LRBA: variants seen among roughly 807,000 people sequenced by gnomAD.
The protein encoded by LRBA is LPS responsive beige-like anchor protein.
In LRBA, 176 loss-of-function variants were observed where a neutral mutation model predicts 330.0. That is an observed-to-expected ratio of 0.53 (90% CI 0.47 to 0.60). The LOEUF (loss-of-function observed/expected upper bound fraction) is 0.60, where lower values mean the gene tolerates loss of function less well. LRBA is among the 20% of genes least tolerant of loss of function. The pLI is 0.00. For missense variants in LRBA, 3,259 were observed against 3,444.8 expected, an observed-to-expected ratio of 0.95 and a Z score of 1.35; for synonymous variants, 1,230 against 1,193.0, an observed-to-expected ratio of 1.03 and a Z score of -0.64.
Position 150,723,274 on chromosome 4 carries a change from C to T in LRBA, c.5754+11984G>A, listed in dbSNP as rs1729181321. Among the ~76,000 whole-genome samples the T allele has an allele frequency of 3.3e-5, 5 of 152,284 alleles. No homozygotes were observed. In the South Asian group the frequency reaches 1.0e-3, roughly 32 times the overall value. On this transcript the variant is annotated intron_variant, in intron 36 of 56. Transcript: ENST00000651943. The stretch of plus-strand genomic sequence containing the variant: ...CGTGCCCTAACCCCAGGGAGTGAAG[C>T]TCATAGCAATGAAAGTTACTCCTTG...
chr4:150,960,046 C>G (rs1195327028), intron 2 of LRBA, among the ~76,000 whole-genome samples: 1 of 147,872 alleles, frequency 6.8e-6, no homozygotes, highest in East Asian at 1.9e-4. Flanking sequence ...TACCACCATG[C>G]CTGGCTTATC....
At chr4:150,757,687 T>C (rs571434222) in intron 35 of LRBA, among the ~76,000 whole-genome samples, 1 of 152,308 alleles carries the variant, frequency 6.6e-6, no homozygotes, top group Admixed American at 6.5e-5. Context: ...AGGCACTAAA[T>C]ATTTATAAAA....
intron 36 of LRBA, among the ~76,000 whole-genome samples, chr4:150,692,294 C>T (rs1784211291): frequency 6.6e-6 from 1 of 152,140 alleles, no homozygotes; most frequent in Admixed American, 6.5e-5. Flanking sequence ...TCTTGGCTCA[C>T]TGAAACCTCA....
chr4:150,500,187 T>C (rs924553354), intron 40 of LRBA, among the ~76,000 whole-genome samples: 1 of 152,054 alleles, frequency 6.6e-6, no homozygotes, highest in Non-Finnish European at 1.5e-5. Flanking sequence ...ACATTATGTG[T>C]ATACAACATC....
chr4:150,522,836 C>A (rs62344705), intron 40 of LRBA, among the ~76,000 whole-genome samples: 32,522 of 152,128 alleles, frequency 0.21, 4,356 homozygotes, highest in Non-Finnish European at 0.3. Flanking sequence ...TTCCAAGAGT[C>A]CCATGGCCAA....
chr4:150,639,789 G>GTA (rs1449698609), intron 37 of LRBA, among the ~76,000 whole-genome samples: 3 of 6,670 alleles, frequency 4.5e-4, no homozygotes, highest in East Asian at 7.5e-3. Flanking sequence ...ATATGTGTGT[G>GTA]TGTATATATA....
At chr4:150,927,162 T>C (rs1308737501) in intron 4 of LRBA, among the ~76,000 whole-genome samples, 2 of 151,182 alleles carry the variant, frequency 1.3e-5, no homozygotes, top group Non-Finnish European at 3.0e-5. Context: ...ATCACAAGGT[T>C]AGGAGATCGA....
intron 36 of LRBA, among the ~76,000 whole-genome samples, chr4:150,685,522 C>T (rs1323999701): frequency 1.4e-5 from 2 of 142,278 alleles, no homozygotes; most frequent in African/African-American, 5.3e-5. Context: ...CAACCTCCGC[C>T]TCCTGGGTTC....
chr4:150,668,978 C>T (rs974091497), intron 37 of LRBA, among the ~76,000 whole-genome samples: 4 of 152,066 alleles, frequency 2.6e-5, no homozygotes, highest in East Asian at 1.9e-4. Flanking sequence ...GAAGAGACTG[C>T]GCCCTGGTCT....
chr4:150,645,423 T>A (rs937943279), intron 37 of LRBA, among the ~76,000 whole-genome samples: 1 of 151,942 alleles, frequency 6.6e-6, no homozygotes, highest in African/African-American at 2.4e-5. Flanking sequence ...TATACTTTTC[T>A]GTGCTATTAA....
At chr4:150,879,578 T>C (rs1321754278) in intron 17 of LRBA, among the ~76,000 whole-genome samples, 2 of 152,040 alleles carry the variant, frequency 1.3e-5, no homozygotes, top group Non-Finnish European at 2.9e-5. Context: ...ATTCAAACTC[T>C]CTCTCTTCAT....
intron 17 of LRBA, among the ~76,000 whole-genome samples, chr4:150,883,803 T>C (rs564917067): frequency 6.6e-6 from 1 of 152,306 alleles, no homozygotes; most frequent in African/African-American, 2.4e-5. Context: ...TTCACATTTC[T>C]ATATACTAGT....
At chr4:150,280,313 C>G (rs1336668678) in intron 55 of LRBA, among the ~76,000 whole-genome samples, 1 of 152,170 alleles carries the variant, frequency 6.6e-6, no homozygotes, top group African/African-American at 2.4e-5. Context: ...ATCCTGAGTG[C>G]TCTGGACAAT....
At chr4:150,624,485 C>T (rs1300817228) in intron 37 of LRBA, among the ~76,000 whole-genome samples, 1 of 152,110 alleles carries the variant, frequency 6.6e-6, no homozygotes, top group Non-Finnish European at 1.5e-5. Context: ...TGTCAGAATT[C>T]TATTCTCTCC....
chr4:150,628,350 T>C (rs1321789304), intron 37 of LRBA, among the ~76,000 whole-genome samples: 1 of 152,204 alleles, frequency 6.6e-6, no homozygotes, highest in Non-Finnish European at 1.5e-5. Flanking sequence ...CACTCTTTAC[T>C]GGTTTTCTTG....
intron 41 of LRBA, among the ~76,000 whole-genome samples, chr4:150,490,008 C>T (rs1758705359): frequency 6.6e-6 from 1 of 151,298 alleles, no homozygotes; most frequent in African/African-American, 2.4e-5. Context: ...AAGATTGAAG[C>T]TCCTTTGGGA....
At chr4:150,476,972 G>A (rs1460103619) in intron 42 of LRBA, among the ~76,000 whole-genome samples, 1 of 152,078 alleles carries the variant, frequency 6.6e-6, no homozygotes. Flanking sequence ...ACCCTCTCAC[G>A]TCCTACTGGC....
chr4:150,416,775 T>C (rs532055465), intron 46 of LRBA, among the ~76,000 whole-genome samples: 19 of 152,286 alleles, frequency 1.2e-4, no homozygotes, highest in African/African-American at 4.3e-4. Flanking sequence ...GTGTGTGTTA[T>C]TTTATGAAGC....
At chr4:150,697,322 TCAGAA>T (rs1374366567) in intron 36 of LRBA, among the ~76,000 whole-genome samples, 1 of 3,330 alleles carries the variant, frequency 3.0e-4, no homozygotes, top group African/African-American at 4.3e-4. Flanking sequence ...AGACTTTGTC[TCAGAA>T]AAAAAAAAAA....
Sources: allele counts gnomAD v4.1 joint callset (sites outside exome capture counted in the v4.1 genomes callset), GRCh38; gene constraint gnomAD v4.1.1; transcripts MANE v1.5; gene names NCBI Gene and HGNC (gene_info 2026-07-23, HGNC 2026-07-21).